ARHGEF3: variants seen among roughly 807,000 people sequenced by gnomAD.
ARHGEF3 encodes the protein 59.8 kDA protein.
In ARHGEF3, 28 loss-of-function variants were observed where a neutral mutation model predicts 63.2. That is an observed-to-expected ratio of 0.44 (90% CI 0.33 to 0.61). The LOEUF is 0.61. Ranked by LOEUF, ARHGEF3 falls within the 20% of genes least tolerant of loss-of-function variation. The pLI is 0.03. For missense variants in ARHGEF3, 533 were observed against 659.3 expected (o/e 0.81, Z 2.10); for synonymous variants, 266 against 254.2 (o/e 1.05, Z -0.44).
Position 56,963,829 on chromosome 3 carries a change from G to T in ARHGEF3, c.63-4940C>A, listed in dbSNP as rs189510733. Among the ~76,000 whole-genome samples, 461 of 152,316 alleles carry T rather than the reference G, an allele frequency of 3.0e-3. 2 individuals carry two copies. The highest frequency in any genetic ancestry group is 3.4e-3 in the Middle Eastern group (1 of 294). On this transcript the variant is annotated intron_variant, in intron 2 of 12. Transcript: ENST00000338458. ...TTTCTGTTTTTAGGACATAGTTGAT[G>T]AGAGACTGGCAGGTGTTTAGCCAGG...
At chr3:56,843,880 T>G (rs1180556633) in intron 4 of ARHGEF3, among the ~76,000 whole-genome samples, 1 of 152,182 alleles carries the variant, frequency 6.6e-6, no homozygotes, top group Non-Finnish European at 1.5e-5. Flanking sequence ...AGGGAGGGAT[T>G]GGCATTAGTT....
intron 1 of ARHGEF3, among the ~76,000 whole-genome samples, chr3:56,787,720 T>C (rs1345407694): frequency 6.6e-6 from 1 of 151,590 alleles, no homozygotes; most frequent in African/African-American, 2.4e-5. Context: ...CTTCCTCTGA[T>C]AATAATAATA....
At position 57,018,469 on chromosome 3, in the gene ARHGEF3, A is replaced by T. The variant is rs547049836; in HGVS notation, c.62+16619T>A. Among the ~76,000 whole-genome samples the T allele has an allele frequency of 1.3e-5, 2 of 152,292 alleles. 1 individual carries two copies. The highest frequency in any genetic ancestry group is 3.9e-4 in the East Asian group (2 of 5,184). On this transcript the variant is annotated intron_variant, in intron 2 of 12. Coordinates refer to the ARHGEF3 transcript ENST00000338458. The stretch of plus-strand genomic sequence containing the variant: ...CTATAATTAGCCTCATTTTACATGC[A>T]AGGAAAGCAGAGCAAAGAGAGCTTA...
At chr3:56,803,888 C>CTTT (rs113834830), upstream of ARHGEF3, among the ~76,000 whole-genome samples, 3 of 143,690 alleles carry the variant, frequency 2.1e-5, no homozygotes, top group East Asian at 6.0e-4. Context: ...TATTTTCTTT[C>CTTT]TTTTTTTTTT....
chr3:56,977,262 T>C, intron 2 of ARHGEF3: 1 of 456,712 alleles, frequency 2.2e-6, no homozygotes, highest in Non-Finnish European at 4.4e-6. Flanking sequence ...AATTATCAGC[T>C]ACGTGCTACT....
intron 2 of ARHGEF3, among the ~76,000 whole-genome samples, chr3:56,768,407 G>A (rs2035827445): frequency 2.0e-5 from 3 of 149,618 alleles, no homozygotes; most frequent in South Asian, 2.1e-4. Flanking sequence ...CACAATAGAA[G>A]GTAATTTAAA....
At chr3:57,017,005 G>GTCTCTCTCTCTCTCTC (rs370663400) in intron 2 of ARHGEF3, among the ~76,000 whole-genome samples, 229 of 129,090 alleles carry the variant, frequency 1.8e-3, no homozygotes, top group African/African-American at 7.2e-3. Context: ...CTTTCTCTCT[G>GTCTCTCTCTCTCTCTC]TCTCTCTCTC....
At chr3:57,054,027 G>C (rs181973819) in intron 1 of ARHGEF3, among the ~76,000 whole-genome samples, 1 of 152,176 alleles carries the variant, frequency 6.6e-6, no homozygotes. Flanking sequence ...ATCTAAAAGT[G>C]GAATTGCTGC....
At position 56,771,288 on chromosome 3, in the gene ARHGEF3, T is replaced by C. The variant is rs75163518; in HGVS notation, c.204+2421A>G. Among the ~76,000 whole-genome samples the C allele has an allele frequency of 1.3e-3, 196 of 152,258 alleles. 2 individuals carry two copies. The East Asian group carries it at 0.029, about 22-fold the overall frequency. ...CTAGTTCTCTAGGTCAATGTAAATT[T>C]CTGAGGTGAGCAAATGTTTCCTGCA... On this transcript the variant is annotated intron_variant, in intron 2 of 9. Transcript: ENST00000296315.
intron 1 of ARHGEF3, among the ~76,000 whole-genome samples, chr3:57,068,919 A>ATTT (rs35984791): frequency 6.5e-5 from 9 of 138,266 alleles, no homozygotes; most frequent in African/African-American, 8.0e-5. Context: ...AAAAGATCTG[A>ATTT]TTTTTTTTTT....
At position 56,800,360 on chromosome 3, in the gene ARHGEF3, C is replaced by T. The variant is rs2037578792; in HGVS notation, c.96+1343G>A. The stretch of plus-strand genomic sequence containing the variant: ...TTATATCCATTCCAGGCCTGACCAA[C>T]CTGAATTCTATGCAAATGCCACTAG... On this transcript the variant is annotated intron_variant, in intron 1 of 9. Transcript: ENST00000296315. Among the ~76,000 whole-genome samples, 3 of 152,178 alleles carry T rather than the reference C, an allele frequency of 2.0e-5. No individual in the cohort carries two copies. The South Asian group carries it at 6.2e-4, about 31-fold the overall frequency.
At chr3:57,072,713 A>T (rs1318188025) in intron 1 of ARHGEF3, among the ~76,000 whole-genome samples, 11 of 142,424 alleles carry the variant, frequency 7.7e-5, no homozygotes, top group East Asian at 2.0e-4. Context: ...TGGGCAACAG[A>T]ACGAGACTCT....
chr3:56,858,912 T>C (rs558558853), intron 4 of ARHGEF3, among the ~76,000 whole-genome samples: 17 of 152,212 alleles, frequency 1.1e-4, no homozygotes, highest in Non-Finnish European at 2.5e-4. Flanking sequence ...CTTACTTGTT[T>C]CTGTGTTATA....
At chr3:56,951,895 C>T (rs931065568) in intron 3 of ARHGEF3, among the ~76,000 whole-genome samples, 3 of 151,950 alleles carry the variant, frequency 2.0e-5, no homozygotes, top group Non-Finnish European at 4.4e-5. Context: ...AGGTCAGGTT[C>T]GAATCCTAGC....
intron 1 of ARHGEF3, chr3:57,079,014 G>A: frequency 3.0e-6 from 1 of 338,948 alleles, no homozygotes. Flanking sequence ...CCCAGACCAG[G>A]GAGCGCTCAG....
intron 1 of ARHGEF3, among the ~76,000 whole-genome samples, chr3:57,049,806 C>T (rs758772613): frequency 2.6e-5 from 4 of 152,208 alleles, no homozygotes; most frequent in African/African-American, 7.2e-5. Context: ...GAAAGATGTG[C>T]CCCTGCCCAG....
At chr3:56,974,963 C>T (rs1383533326) in intron 2 of ARHGEF3, among the ~76,000 whole-genome samples, 1 of 152,116 alleles carries the variant, frequency 6.6e-6, no homozygotes. Context: ...GCCCCTCCTC[C>T]TTGTTTGAAA....
intron 3 of ARHGEF3, among the ~76,000 whole-genome samples, chr3:56,892,717 A>G (rs1242051637): frequency 6.6e-6 from 1 of 152,216 alleles, no homozygotes; most frequent in East Asian, 1.9e-4. Flanking sequence ...ATCCACAATA[A>G]TACTGGGAAC....
chr3:56,841,237 T>G (rs1473038912), intron 4 of ARHGEF3, among the ~76,000 whole-genome samples: 1 of 152,150 alleles, frequency 6.6e-6, no homozygotes, highest in Non-Finnish European at 1.5e-5. Flanking sequence ...TTCCCTAAAG[T>G]AGCAATGGCA....
Sources: gnomAD v4.1 joint callset for allele counts (sites outside exome capture counted in the v4.1 genomes callset) on GRCh38, gnomAD v4.1.1 for gene constraint, MANE v1.5 for transcripts, NCBI Gene and HGNC (gene_info 2026-07-23, HGNC 2026-07-21) for gene names.